The following CNTN4 variants were observed in gnomAD, a reference collection of about 807,000 sequenced individuals.
CNTN4 encodes the protein contactin 4.
Under a neutral mutation model 122.5 loss-of-function variants are expected in CNTN4, and 77 were observed. The ratio of observed to expected loss-of-function variants is 0.63; its 90% CI spans 0.52 to 0.76. The LOEUF (loss-of-function observed/expected upper bound fraction) is 0.76. Among genes scored for constraint, CNTN4 ranks in the 30% least tolerant of loss-of-function variants. CNTN4 has a pLI of 0.00. For synonymous variants in CNTN4, 512 were observed against 447.0 expected (o/e 1.15, Z -1.83); for missense variants, 1,256 against 1,259.1 (o/e 1.00, Z 0.04).
intron 3 of CNTN4, among the ~76,000 whole-genome samples, chr3:2,536,582 AAAT>A (rs530194486): frequency 9.3e-4 from 141 of 151,800 alleles, no homozygotes; most frequent in Middle Eastern, 3.4e-3. Context: ...AATATTTTTT[AAAT>A]AATTTTTTTT....
chr3:2,708,902 T>C (rs924569573), intron 4 of CNTN4, among the ~76,000 whole-genome samples: 1 of 152,234 alleles, frequency 6.6e-6, no homozygotes, highest in African/African-American at 2.4e-5. Context: ...TTGTAAAATA[T>C]TGTAATAAGA....
At chr3:2,410,618 A>G (rs2047194180) in intron 3 of CNTN4, among the ~76,000 whole-genome samples, 1 of 152,196 alleles carries the variant, frequency 6.6e-6, no homozygotes, top group Admixed American at 6.5e-5. Context: ...TGGTGGTCAA[A>G]TAAGACTGCG....
Position 2,108,345 on chromosome 3 carries a change from A to G in CNTN4, c.-145+7706A>G, listed in dbSNP as rs1194314223. 4.0e-5 allele frequency among the ~76,000 whole-genome samples: 6 copies of G among 151,820 alleles called. No homozygotes were observed. The East Asian group carries it at 9.7e-4, about 24-fold the overall frequency. The stretch of plus-strand genomic sequence containing the variant: ...GGCTCCGTCACCTGTACATACTCTC[A>G]TTGTACTTGTTTCCATGCCACTGAT... On this transcript the variant is annotated intron_variant, in intron 2 of 24. Transcript: ENST00000418658.
At chr3:2,925,525 A>T in intron 12 of CNTN4, 104 bp from the exon 13 acceptor site, 1 of 1,293,472 alleles carries the variant, frequency 7.7e-7, no homozygotes, top group African/African-American at 1.5e-5. Context: ...TGCACTGGCA[A>T]CAGAGCAAGA....
At chr3:2,693,999 T>A (rs900213301) in intron 4 of CNTN4, among the ~76,000 whole-genome samples, 6 of 152,184 alleles carry the variant, frequency 3.9e-5, no homozygotes, top group Admixed American at 3.9e-4. Flanking sequence ...ATAGTCCTAA[T>A]CTGACTTTGC....
rs540337791 is a variant in CNTN4 at position 2,385,397 on chromosome 3, C to G, written c.-89+46164C>G. Among the ~76,000 whole-genome samples the G allele has an allele frequency of 2.0e-5, 3 of 152,158 alleles. No individual in the cohort carries two copies. In the South Asian group the frequency reaches 6.2e-4, roughly 32 times the overall value. Reference sequence around the variant, plus strand: ...CTTAAGGCAGAGTCTTTGTCCTTTTCTCCACTATTACCTGAGCAATATTCC... The same window carrying G: ...CTTAAGGCAGAGTCTTTGTCCTTTTGTCCACTATTACCTGAGCAATATTCC... On this transcript the variant is annotated intron_variant, in intron 3 of 24. Coordinates refer to ENST00000418658, the MANE Select transcript of CNTN4 (RefSeq NM_175607.3). The surrounding 1 kb of genome is among the most constrained non-coding windows in gnomAD (Gnocchi z 4.0).
At chr3:3,022,912 T>G (rs1359706190) in intron 14 of CNTN4, among the ~76,000 whole-genome samples, 2 of 152,178 alleles carry the variant, frequency 1.3e-5, no homozygotes, top group Non-Finnish European at 2.9e-5. Flanking sequence ...AGCCGTCAGT[T>G]CACATCTTCA....
At position 2,983,165 on chromosome 3, in the gene CNTN4, G is replaced by A. The variant is rs551490459; in HGVS notation, c.1359-5180G>A. ...GGAGGTGGAGCTTGCAGTGAGCCGA[G>A]ATCGCAGCACTGCACTCCAGCCTGG... is the stretch of plus-strand genomic sequence containing the variant. On this transcript the variant is annotated intron_variant, in intron 13 of 24. Transcript: ENST00000418658. Among the ~76,000 whole-genome samples, 191 of 125,218 alleles carry A rather than the reference G, an allele frequency of 1.5e-3. 4 individuals carry two copies. The highest frequency in any genetic ancestry group is 5.6e-3 in the African/African-American group (188 of 33,510). 82.1% of individuals were successfully genotyped at this position (125,218 alleles called of 152,430 possible).
At chr3:2,538,296 A>T (rs1244225254) in intron 3 of CNTN4, among the ~76,000 whole-genome samples, 1 of 152,076 alleles carries the variant, frequency 6.6e-6, no homozygotes, top group Non-Finnish European at 1.5e-5. Context: ...CAGAACTTTG[A>T]CACAATACAT....
intron 3 of CNTN4, among the ~76,000 whole-genome samples, chr3:2,418,151 T>A (rs1356012555): frequency 6.6e-6 from 1 of 152,140 alleles, no homozygotes; most frequent in Non-Finnish European, 1.5e-5. Context: ...TGGGTGATAA[T>A]GATATGTCAA....
chr3:2,209,912 T>C (rs1268426841), intron 2 of CNTN4, among the ~76,000 whole-genome samples: 1 of 152,172 alleles, frequency 6.6e-6, no homozygotes, highest in Non-Finnish European at 1.5e-5. Flanking sequence ...ATATTGGATG[T>C]GTAATATGAG....
At chr3:3,054,272 C>T (rs1437787582) in intron 24 of CNTN4, among the ~76,000 whole-genome samples, 1 of 7,130 alleles carries the variant, frequency 1.4e-4, no homozygotes, top group Non-Finnish European at 1.0e-3. Flanking sequence ...TCTATTGTAG[C>T]CCCAGAATTA....
chr3:2,196,663 G>T lies in CNTN4; in HGVS notation c.-145+96024G>T, dbSNP rs1025009667. Among the ~76,000 whole-genome samples the T allele has an allele frequency of 2.6e-5, 4 of 152,214 alleles. No homozygotes were observed. The South Asian group carries it at 8.3e-4, about 32-fold the overall frequency. On this transcript the variant is annotated intron_variant, in intron 2 of 24. Coordinates refer to ENST00000418658, the MANE Select transcript of CNTN4 (RefSeq NM_175607.3). ...AGACAAGGGATCTTGCTGGAAGGCC[G>T]TTGGCTTTGTTGACTGGGGTGTGTT...
intron 2 of CNTN4, among the ~76,000 whole-genome samples, chr3:2,172,912 G>A (rs1192382162): frequency 6.6e-6 from 1 of 152,174 alleles, no homozygotes; most frequent in Non-Finnish European, 1.5e-5. Context: ...GCATGTAGGG[G>A]CCAAAAGAGA....
chr3:2,144,129 C>G (rs2035133138), intron 2 of CNTN4: 1 of 152,172 alleles, frequency 6.6e-6, no homozygotes, highest in African/African-American at 2.4e-5. Flanking sequence ...AGCATACCTA[C>G]CTAGTAAGCC....
intron 4 of CNTN4, among the ~76,000 whole-genome samples, chr3:2,624,648 T>TTTTTTTTTTTTTTTTTC (rs1559317656): frequency 6.9e-6 from 1 of 145,310 alleles, no homozygotes. Flanking sequence ...TTTTTTTTTT[T>TTTTTTTTTTTTTTTTTC]CGAGGCTGAG....
intron 13 of CNTN4, among the ~76,000 whole-genome samples, chr3:2,980,990 T>C (rs1297028511): frequency 6.6e-6 from 1 of 152,184 alleles, no homozygotes; most frequent in Non-Finnish European, 1.5e-5. Flanking sequence ...ATGGAGCCAC[T>C]ATTTTAAACA....
At chr3:2,531,735 G>A (rs2077604416) in intron 3 of CNTN4, among the ~76,000 whole-genome samples, 1 of 152,058 alleles carries the variant, frequency 6.6e-6, no homozygotes, top group Non-Finnish European at 1.5e-5. Context: ...GATTCCATTT[G>A]ATGAGTGGAA....
At chr3:2,286,984 C>A (rs2041924344) in intron 2 of CNTN4, among the ~76,000 whole-genome samples, 2 of 152,190 alleles carry the variant, frequency 1.3e-5, no homozygotes, top group South Asian at 4.1e-4. Context: ...TATGAAGAAT[C>A]TAAACAGTTT....
Sources: allele counts gnomAD v4.1 joint callset (sites outside exome capture counted in the v4.1 genomes callset), GRCh38; gene constraint gnomAD v4.1.1; non-coding constraint Gnocchi (gnomAD v3.1); transcripts MANE v1.5; gene names NCBI Gene and HGNC (gene_info 2026-07-23, HGNC 2026-07-21).